The following LRP12 variants were observed in gnomAD, a reference collection of about 807,000 sequenced individuals.
LRP12 encodes LDL receptor related protein 12.
In LRP12, 14 loss-of-function variants were observed where a neutral mutation model predicts 66.0. The observed-to-expected ratio is 0.21, with a 90% confidence interval of 0.14 to 0.33. The LOEUF (loss-of-function observed/expected upper bound fraction) is 0.33. Ranked by LOEUF, LRP12 falls within the 10% of genes least tolerant of loss-of-function variation. The pLI, the probability that LRP12 is intolerant of heterozygous loss-of-function variation, is 1.00. For synonymous variants in LRP12, 357 were observed against 359.1 expected (o/e 0.99, Z 0.07); for missense variants, 889 against 1,053.4 (o/e 0.84, Z 2.16).
Position 104,588,865 on chromosome 8 carries a change from CG to C in LRP12, c.32del (p.Pro11ArgfsTer50). 6.2e-7 allele frequency: 1 copy of C among 1,611,778 alleles called. No homozygotes were observed. Among genetic ancestry groups the C allele is most frequent in the Non-Finnish European group, 8.5e-7 (1 of 1,179,128 alleles). On this transcript the variant is annotated frameshift_variant, in exon 1 of 7. Coordinates refer to ENST00000276654, the MANE Select transcript of LRP12 (RefSeq NM_013437.5). LOFTEE classifies it high-confidence loss of function. ...GCAAGAGCAACGCAGACCTCCACCG[CG>C]GAGACTCTTTTGTGCTCCAGCGACA... MACRWSTKESPRWRSALLLLF... is the reference protein window; with the variant it reads MACRWSTKESXRWRSALLLLF...
intron 1 of LRP12, among the ~76,000 whole-genome samples, chr8:104,548,139 A>AT (rs1564141747): frequency 7.3e-5 from 7 of 95,844 alleles, no homozygotes; most frequent in African/African-American, 3.4e-4. Context: ...ATATAATTAT[A>AT]ATTATATTAT....
intron 6 of LRP12, among the ~76,000 whole-genome samples, chr8:104,493,157 A>G (rs1810664203): frequency 6.6e-6 from 1 of 152,172 alleles, no homozygotes. Flanking sequence ...TTATGAGGGG[A>G]TCTCACGAAT....
At chr8:104,500,648 AGCCGAGACT>A (rs1223042678) in intron 3 of LRP12, among the ~76,000 whole-genome samples, 1 of 152,252 alleles carries the variant, frequency 6.6e-6, no homozygotes, top group Non-Finnish European at 1.5e-5. Flanking sequence ...GTTTGCAGTA[AGCCGAGACT>A]GTGCCACTGC....
intron 3 of LRP12, among the ~76,000 whole-genome samples, chr8:104,503,537 G>A (rs1419189707): frequency 6.6e-6 from 1 of 152,012 alleles, no homozygotes; most frequent in Non-Finnish European, 1.5e-5. Context: ...TTTGTGCTCT[G>A]TGCCTATTTA....
At chr8:104,511,030 CTTTTTTT>C (rs11350393) in intron 2 of LRP12, among the ~76,000 whole-genome samples, 1 of 54,324 alleles carries the variant, frequency 1.8e-5, no homozygotes, top group African/African-American at 7.3e-5. Context: ...GGAAAAATGA[CTTTTTTT>C]TTTTTTTTTT....
chr8:104,534,606 A>G (rs769295708), intron 1 of LRP12, among the ~76,000 whole-genome samples: 9 of 152,026 alleles, frequency 5.9e-5, no homozygotes, highest in Non-Finnish European at 1.3e-4. Flanking sequence ...TTAACACTTT[A>G]AAACAGAAAA....
At chr8:104,586,092 C>T (rs1812327125) in intron 1 of LRP12, among the ~76,000 whole-genome samples, 1 of 152,210 alleles carries the variant, frequency 6.6e-6, no homozygotes, top group Non-Finnish European at 1.5e-5. Context: ...AACTCTTAGG[C>T]ACATTGAATG....
rs1564142290 is a variant in LRP12, at chr8:104,548,363, ATATAAATATATTATAT to A, written c.80-16416_80-16401del. 2.2e-4 allele frequency among the ~76,000 whole-genome samples: 13 copies of A among 59,286 alleles called. 2 individuals are homozygous for A. Among genetic ancestry groups the A allele is most frequent in the African/African-American group, 1.3e-3 (13 of 9,792 alleles). 38.9% of individuals were successfully genotyped at this position (59,286 alleles called of 152,430 possible). On this transcript the variant is annotated intron_variant, in intron 1 of 6. Coordinates refer to ENST00000276654, the MANE Select transcript of LRP12 (RefSeq NM_013437.5). Reference sequence around the variant, plus strand: ...AATATATAAATATATAATATATATTATATAAATATATTATATAAATATATAATATATATTATATAAA... The same window carrying A: ...AATATATAAATATATAATATATATTAAAATATATAATATATATTATATAAA...
intron 1 of LRP12, among the ~76,000 whole-genome samples, chr8:104,571,970 T>C (rs1303460186): frequency 2.0e-5 from 3 of 152,252 alleles, no homozygotes; most frequent in East Asian, 1.9e-4. Flanking sequence ...CAGAAACTTG[T>C]ACTGGATATT....
At chr8:104,547,666 C>A (rs1312489653) in intron 1 of LRP12, among the ~76,000 whole-genome samples, 3 of 111,768 alleles carry the variant, frequency 2.7e-5, no homozygotes, top group African/African-American at 3.9e-5. Context: ...TAATATAATT[C>A]TATATTATAT....
At chr8:104,547,641 TTAA>T (rs1029216635) in intron 1 of LRP12, among the ~76,000 whole-genome samples, 5 of 124,594 alleles carry the variant, frequency 4.0e-5, no homozygotes, top group African/African-American at 6.3e-5. Context: ...TAAATATATA[TTAA>T]TAATTAAAAT....
chr8:104,545,231 A>C (rs1811536676), intron 1 of LRP12, among the ~76,000 whole-genome samples: 1 of 152,194 alleles, frequency 6.6e-6, no homozygotes. Flanking sequence ...TTAATGGATG[A>C]GGAGTTGTTT....
At chr8:104,562,283 T>G (rs1811924140) in intron 1 of LRP12, among the ~76,000 whole-genome samples, 1 of 152,198 alleles carries the variant, frequency 6.6e-6, no homozygotes. Flanking sequence ...GGTATTATTT[T>G]TAATGAGAGC....
Position 104,539,755 on chromosome 8 carries a change from A to T in LRP12, c.80-7792T>A, listed in dbSNP as rs182869601. 9.9e-5 allele frequency among the ~76,000 whole-genome samples: 15 copies of T among 152,184 alleles called. No individual in the cohort carries two copies. The East Asian group carries it at 2.9e-3, about 29-fold the overall frequency. On this transcript the variant is annotated intron_variant, in intron 1 of 6. Coordinates refer to ENST00000276654, the MANE Select transcript of LRP12 (RefSeq NM_013437.5). ...GACAGCACTGTAAAGAATCTTATAG[A>T]TAATTCATGTCAAATTATGTGAGAA...
chr8:104,561,199 C>T (rs924687175), intron 1 of LRP12, among the ~76,000 whole-genome samples: 2 of 152,154 alleles, frequency 1.3e-5, no homozygotes, highest in Admixed American at 6.5e-5. Context: ...ACTGAAAGGC[C>T]GTGTTTTGCC....
At chr8:104,539,245 T>A (rs1190368364) in intron 1 of LRP12, among the ~76,000 whole-genome samples, 1 of 152,140 alleles carries the variant, frequency 6.6e-6, no homozygotes, top group East Asian at 1.9e-4. Context: ...GATAATGGCA[T>A]GGCACTTATA....
At chr8:104,568,305 T>C (rs1044860963) in intron 1 of LRP12, among the ~76,000 whole-genome samples, 7 of 151,962 alleles carry the variant, frequency 4.6e-5, no homozygotes, top group African/African-American at 1.4e-4. Context: ...AACAGCAAAA[T>C]TATAAAACTC....
At chr8:104,511,077 G>C (rs1588487201) in intron 2 of LRP12, among the ~76,000 whole-genome samples, 1 of 106,676 alleles carries the variant, frequency 9.4e-6, no homozygotes, top group Non-Finnish European at 1.7e-5. Context: ...GTCTCACTCT[G>C]TCTCCAGGGT....
In LRP12 at chr8:104,490,890, A is replaced by C. The variant is rs756723729; in HGVS notation, c.2363T>G (p.Val788Gly). 122 of 1,614,046 alleles carry C rather than the reference A, an allele frequency of 7.6e-5. No homozygotes were observed. The highest frequency in any genetic ancestry group is 9.4e-5 in the Non-Finnish European group (111 of 1,180,022). ...PISDGSSDFD[V>G]NDCSRPLLDL... The stretch of plus-strand genomic sequence containing the variant: ...AAGAAGAGGTCTGGAGCAGTCATTC[A>C]CATCAAAGTCTGAAGATCCATCAGA... Residue 788 changes from valine to glycine, a missense_variant, in exon 7 of 7, where the codon GTG (valine) becomes GGG (glycine). By Grantham distance (109) the Val-to-Gly change is moderately radical. This residue lies in a region of LRP12 where 800 missense variants were observed against 964.5 expected (regional missense o/e 0.83). Transcript: ENST00000276654.
Sources: gnomAD v4.1 joint callset for allele counts (sites outside exome capture counted in the v4.1 genomes callset) on GRCh38, gnomAD v4.1.1 for gene constraint, gnomAD v4.1.1 regional missense constraint, MANE v1.5 for transcripts, NCBI Gene and HGNC (gene_info 2026-07-23, HGNC 2026-07-21) for gene names.